The following DNAH17 variants were observed in gnomAD, a reference collection of about 807,000 sequenced individuals.
DNAH17 encodes dynein axonemal heavy chain 17.
DNAH17 carries 376 observed loss-of-function variants against 485.6 expected under a neutral mutation model. The ratio of observed to expected loss-of-function variants is 0.77; its 90% CI spans 0.71 to 0.84. The LOEUF (loss-of-function observed/expected upper bound fraction) is 0.84. DNAH17 is among the 40% of genes least tolerant of loss of function. The pLI is 0.00. For missense variants in DNAH17, 6,370 were observed against 5,839.3 expected (o/e 1.09, Z -2.96); for synonymous variants, 3,031 against 2,405.9 (o/e 1.26, Z -7.60).
intron 44 of DNAH17, among the ~76,000 whole-genome samples, chr17:78,487,399 T>C (rs1401787917): frequency 1.3e-5 from 2 of 152,248 alleles, no homozygotes; most frequent in Non-Finnish European, 2.9e-5. Flanking sequence ...CACTAGTGCC[T>C]GGCCCCCTCG....
At chr17:78,574,690 G>A (rs2092408869) in intron 2 of DNAH17, 23 bp downstream of exon 2, 1 of 1,573,390 alleles carries the variant, frequency 6.4e-7, no homozygotes. Context: ...CGACACCCCG[G>A]ATGGCAGCCT....
chr17:78,566,382 C>A (rs1297701340), intron 11 of DNAH17, among the ~76,000 whole-genome samples: 4 of 152,156 alleles, frequency 2.6e-5, no homozygotes, highest in African/African-American at 9.7e-5. Flanking sequence ...TAAAATAATG[C>A]CATCTCACAC....
At chr17:78,556,354 C>T (rs182085588) in intron 14 of DNAH17, among the ~76,000 whole-genome samples, 1 of 152,298 alleles carries the variant, frequency 6.6e-6, no homozygotes, top group Admixed American at 6.5e-5. Flanking sequence ...GGAGACAGAC[C>T]ATCCCCTTGA....
In DNAH17 at chr17:78,505,398, C is replaced by G; in HGVS notation, c.4851G>C (p.Lys1617Asn). 6.2e-7 allele frequency: 1 copy of G among 1,614,036 alleles called. No homozygotes were observed. Among genetic ancestry groups the G allele is most frequent in the Non-Finnish European group, 8.5e-7 (1 of 1,179,902 alleles). Reference protein sequence around the residue: ...SKLFDSLCKLKFRLDASDKPL... With the variant: ...SKLFDSLCKLNFRLDASDKPL... Reference sequence around the variant, plus strand: ...GTTTGTCACTGGCATCGAGCCGGAACTTCAGTTTACACAGGCTATCGAAGA... The same window carrying G: ...GTTTGTCACTGGCATCGAGCCGGAAGTTCAGTTTACACAGGCTATCGAAGA... Residue 1617 changes from lysine (K) to asparagine (N), a missense_variant, in exon 31 of 81, where the codon AAG becomes AAC. Transcript: ENST00000389840.
At chr17:78,425,092 TC>T (rs1469580065) in intron 80 of DNAH17, 1 of 408,580 alleles carries the variant, frequency 2.4e-6, no homozygotes, top group East Asian at 4.2e-5. Context: ...TCTGCTGTTT[TC>T]ATTAAAGCAG....
chr17:78,456,290 CTT>C (rs2087796845), intron 62 of DNAH17, among the ~76,000 whole-genome samples: 1 of 151,890 alleles, frequency 6.6e-6, no homozygotes, highest in South Asian at 2.1e-4. Context: ...CAGAGCAAGA[CTT>C]CATCTCAAAA....
chr17:78,524,303 A>C lies in DNAH17; in HGVS notation c.3864+706T>G, dbSNP rs570509095. 2.6e-5 allele frequency among the ~76,000 whole-genome samples: 4 copies of C among 152,144 alleles called. 1 individual carries two copies. In the South Asian group the frequency reaches 8.3e-4, roughly 32 times the overall value. ...CAGGTGCACACCACCACGCCCAGTT[A>C]ATTTTCGTATTTTTCGTAGAGACGG... On this transcript the variant is annotated intron_variant, in intron 25 of 80. Coordinates refer to ENST00000389840, the MANE Select transcript of DNAH17 (RefSeq NM_173628.4).
intron 54 of DNAH17, among the ~76,000 whole-genome samples, chr17:78,469,831 A>G (rs2088661273): frequency 6.6e-6 from 1 of 152,228 alleles, no homozygotes; most frequent in Admixed American, 6.5e-5. Context: ...CGAAAGGACA[A>G]ATACCGTGTG....
chr17:78,544,610 G>A (rs981749816), intron 16 of DNAH17, among the ~76,000 whole-genome samples: 7 of 152,030 alleles, frequency 4.6e-5, no homozygotes, highest in Non-Finnish European at 1.0e-4. Flanking sequence ...AGACCATCCT[G>A]GCTAACACGG....
chr17:78,479,134 C>A lies in DNAH17; in HGVS notation c.7901-18G>T, dbSNP rs996667432. 5.0e-6 allele frequency: 8 copies of A among 1,611,546 alleles called. No individual in the cohort carries two copies. The highest frequency in any genetic ancestry group is 6.8e-6 in the Non-Finnish European group (8 of 1,178,552). ...ATGCAAAGCTGTTAGAGGAAAAGGA[C>A]GTGTCAATTCTCATGTACTCTTGAT... On this transcript the variant is annotated intron_variant, in intron 50 of 80. Transcript: ENST00000389840.
Position 78,551,550 on chromosome 17 carries a change from A to T in DNAH17, c.2376T>A (p.Ile792=), listed in dbSNP as rs560820642. 6.2e-7 allele frequency: 1 copy of T among 1,613,698 alleles called. No homozygotes were observed. Among genetic ancestry groups the T allele is most frequent in the East Asian group, 2.2e-5 (1 of 44,880 alleles). The stretch of plus-strand genomic sequence containing the variant: ...CCTTGCTTACCTTCATAGCCTGGGA[A>T]ATTCCTTCTATATTTTGTTTTGCCT... ...MQKAKQNIEG[I]SQAMKDWSAN... Residue 792 remains isoleucine, a synonymous_variant, in exon 16 of 81, where the codon ATT becomes ATA. Transcript: ENST00000389840.
At chr17:78,437,468 C>T (rs961235512) in intron 74 of DNAH17, among the ~76,000 whole-genome samples, 173 bp downstream of exon 74, 3 of 152,168 alleles carry the variant, frequency 2.0e-5, no homozygotes, top group African/African-American at 7.2e-5. Context: ...TGCATTTTTC[C>T]GTCTTTTAGA....
At chr17:78,459,554 C>T (rs2087990167) in intron 60 of DNAH17, among the ~76,000 whole-genome samples, 1 of 152,238 alleles carries the variant, frequency 6.6e-6, no homozygotes, top group Non-Finnish European at 1.5e-5. Context: ...CTCACAGGTG[C>T]TGCTGACCTC....
intron 51 of DNAH17, among the ~76,000 whole-genome samples, chr17:78,478,209 CCACCAT>C (rs1391336436): frequency 5.9e-4 from 61 of 104,246 alleles, no homozygotes; most frequent in South Asian, 1.2e-3. Flanking sequence ...ATCACCACCA[CCACCAT>C]CATCACCACA....
intron 37 of DNAH17, among the ~76,000 whole-genome samples, chr17:78,498,256 C>T (rs1038766403): frequency 4.6e-5 from 7 of 152,328 alleles, no homozygotes; most frequent in Middle Eastern, 3.4e-3. Context: ...CACGTCCACA[C>T]CCCACATGCT....
In DNAH17 at chr17:78,507,744, C is replaced by T. The variant is rs771062667; in HGVS notation, c.4298G>A (p.Arg1433Gln). 1.4e-5 allele frequency: 23 copies of T among 1,601,314 alleles called. No individual in the cohort carries two copies. The highest frequency in any genetic ancestry group is 4.5e-5 in the East Asian group (2 of 44,754). Residue 1433 changes from arginine (R) to glutamine (Q), a missense_variant, in exon 28 of 81, where the codon CGG becomes CAG. Physicochemically the swap from Arg to Gln is conservative, Grantham distance 43 (BLOSUM62 1). Transcript: ENST00000389840. ...GGACTTGAGCATCATGGTGCCTGTCCGCGGGTGCGGCTCGTGCTGGAATTC... is the reference window on the plus strand; with the variant it reads ...GGACTTGAGCATCATGGTGCCTGTCTGCGGGTGCGGCTCGTGCTGGAATTC... ...MMEFQHEPHP[R>Q]TGTMMLKSSE...
At chr17:78,510,250 G>C (rs2090597086) in intron 27 of DNAH17, 134 bp downstream of exon 27, 1 of 1,232,832 alleles carries the variant, frequency 8.1e-7, no homozygotes, top group Admixed American at 2.2e-5. Flanking sequence ...GTCACAGGTT[G>C]GGTAAGAAAG....
intron 66 of DNAH17, 79 bp from the exon 67 acceptor site, chr17:78,450,925 T>G: frequency 6.5e-7 from 1 of 1,542,522 alleles, no homozygotes; most frequent in Non-Finnish European, 8.9e-7. Context: ...GGTGGCCATG[T>G]AGCTGAGCCA....
At chr17:78,442,634 G>A (rs2087117883) in intron 71 of DNAH17, among the ~76,000 whole-genome samples, 1 of 150,858 alleles carries the variant, frequency 6.6e-6, no homozygotes, top group African/African-American at 2.4e-5. Flanking sequence ...CATGCAGGCT[G>A]GGTTCGTCAG....
Sources: allele counts gnomAD v4.1 joint callset (sites outside exome capture counted in the v4.1 genomes callset), GRCh38; gene constraint gnomAD v4.1.1; transcripts MANE v1.5; gene names NCBI Gene and HGNC (gene_info 2026-07-23, HGNC 2026-07-21).